Variants in PAPSS2 observed in about 807,000 individuals in gnomAD.
PAPSS2 encodes the protein bifunctional 3'-phosphoadenosine 5'-phosphosulfate synthase 2.
PAPSS2 carries 61 observed loss-of-function variants against 66.5 expected under a neutral mutation model. The ratio of observed to expected loss-of-function variants is 0.92; its 90% CI spans 0.75 to 1.14. PAPSS2 has a LOEUF of 1.14. Ranked by LOEUF, PAPSS2 falls within the 50% of genes most tolerant of loss-of-function variation. The pLI is 0.00. For missense variants in PAPSS2, 708 were observed against 789.6 expected, an observed-to-expected ratio of 0.90 and a Z score of 1.24; for synonymous variants, 289 against 287.5, an observed-to-expected ratio of 1.01 and a Z score of -0.05.
chr10:87,723,753 C>T (rs577577755), intron 8 of PAPSS2, among the ~76,000 whole-genome samples: 1 of 152,266 alleles, frequency 6.6e-6, no homozygotes, highest in South Asian at 2.1e-4. Flanking sequence ...AGTGATATGC[C>T]TGGAAAGTTT....
chr10:87,711,375 C>A (rs1853461197), intron 2 of PAPSS2, among the ~76,000 whole-genome samples: 1 of 152,210 alleles, frequency 6.6e-6, no homozygotes, highest in Non-Finnish European at 1.5e-5. Flanking sequence ...CGTGTGCCAA[C>A]AATCTGGTTA....
intron 8 of PAPSS2, among the ~76,000 whole-genome samples, chr10:87,723,629 T>G (rs982669560): frequency 6.6e-6 from 1 of 152,048 alleles, no homozygotes; most frequent in Non-Finnish European, 1.5e-5. Flanking sequence ...GGTCTCAAAG[T>G]ATATTGCAGG....
At chr10:87,667,603 G>A (rs904748915) in intron 1 of PAPSS2, among the ~76,000 whole-genome samples, 1 of 152,204 alleles carries the variant, frequency 6.6e-6, no homozygotes, top group East Asian at 1.9e-4. Context: ...GTTGACTGAT[G>A]TGACTTCCTT....
chr10:87,714,987 C>T lies in PAPSS2; in HGVS notation c.642C>T (p.Asn214=), dbSNP rs751430304. 16 of 1,594,746 alleles carry T rather than the reference C, an allele frequency of 1.0e-5. No individual in the cohort carries two copies. The South Asian group carries it at 1.4e-4, about 14-fold the overall frequency. ...HQVVELLQEQ[N]IVPYTIIKDI... is the part of the protein sequence containing the mutation. ...TTACCAATGCTGTTTCATTTCAGAA[C>T]ATTGTACCCTATACTATAATCAAAG... Residue 214 remains asparagine (N), a splice_region_variant and synonymous_variant, in exon 6 of 13, where the codon AAC becomes AAT. Transcript: ENST00000456849.
At chr10:87,664,177 C>A (rs1852788081) in intron 1 of PAPSS2, among the ~76,000 whole-genome samples, 1 of 152,198 alleles carries the variant, frequency 6.6e-6, no homozygotes, top group Non-Finnish European at 1.5e-5. Context: ...CTGCCTTGGC[C>A]TCCCGAAGTA....
In PAPSS2 at chr10:87,714,053, A is replaced by G. The variant is rs532274427; in HGVS notation, c.391A>G (p.Asn131Asp). 1.9e-6 allele frequency: 3 copies of G among 1,613,992 alleles called. No individual in the cohort carries two copies. The highest frequency in any genetic ancestry group is 2.2e-5 in the East Asian group (1 of 44,880). Residue 131 changes from asparagine to aspartate, a missense_variant, in exon 4 of 13, where the codon AAT (asparagine) becomes GAT (aspartate). Transcript: ENST00000456849. ...TCATATTGCTTTTCAGGATCGTGAG[A>G]ATGCCCGCAAAATACATGAATCAGC... ...FISPFAKDRE[N>D]ARKIHESAGL...
chr10:87,667,682 A>T (rs2131894448), intron 1 of PAPSS2, among the ~76,000 whole-genome samples: 1 of 152,344 alleles, frequency 6.6e-6, no homozygotes, highest in South Asian at 2.1e-4. Flanking sequence ...TGTAATTGAT[A>T]TTGTGCAAGC....
chr10:87,691,779 C>T (rs79865899), intron 1 of PAPSS2, among the ~76,000 whole-genome samples: 2,512 of 152,114 alleles, frequency 0.017, 85 homozygotes, highest in African/African-American at 0.057. Context: ...GGAGAAAGGA[C>T]TTTCCAAGCA....
chr10:87,690,756 A>G (rs1564713739), intron 1 of PAPSS2, among the ~76,000 whole-genome samples: 1 of 152,208 alleles, frequency 6.6e-6, no homozygotes, highest in South Asian at 2.1e-4. Flanking sequence ...GAGCTTAACT[A>G]AGAGCCAGAC....
intron 9 of PAPSS2, among the ~76,000 whole-genome samples, chr10:87,740,672 C>T (rs938495130): frequency 3.3e-5 from 5 of 152,134 alleles, no homozygotes; most frequent in South Asian, 2.1e-4. Context: ...CATAATTGTG[C>T]AAAAAGGCTA....
intron 1 of PAPSS2, among the ~76,000 whole-genome samples, chr10:87,688,443 T>TTTTATTTTA (rs541821509): frequency 7.2e-6 from 1 of 138,080 alleles, no homozygotes; most frequent in East Asian, 2.1e-4. Flanking sequence ...TTCTTTTTTA[T>TTTTATTTTA]TTTATTTATT....
chr10:87,666,230 C>T (rs1365636819), intron 1 of PAPSS2, among the ~76,000 whole-genome samples: 1 of 152,154 alleles, frequency 6.6e-6, no homozygotes, highest in Non-Finnish European at 1.5e-5. Context: ...TCCCAGAGTG[C>T]TGGGATTACA....
rs199804008 is a variant in PAPSS2 at position 87,688,963 on chromosome 10, TA to T, written c.28-20222del. Among the ~76,000 whole-genome samples, 977 of 135,998 alleles carry T rather than the reference TA, an allele frequency of 7.2e-3. 9 individuals are homozygous for T. The highest frequency in any genetic ancestry group is 0.018 in the African/African-American group (648 of 36,018). 89.2% of individuals were successfully genotyped at this position (135,998 alleles called of 152,430 possible). ...AAAAGATGGATAAATTTAACTACCTTAAAAAAAAAAACTGTATGGAAAGCAA... is the reference window on the plus strand; with the variant it reads ...AAAAGATGGATAAATTTAACTACCTTAAAAAAAAAACTGTATGGAAAGCAA... On this transcript the variant is annotated intron_variant, in intron 1 of 12. Coordinates refer to ENST00000456849, the MANE Select transcript of PAPSS2 (RefSeq NM_001015880.2).
In PAPSS2 at chr10:87,713,231, G is replaced by A. The variant is rs148462327; in HGVS notation, c.302G>A (p.Arg101His). Residue 101 changes from arginine (R) to histidine (H), a missense_variant, in exon 3 of 13, where the codon CGC becomes CAC. By Grantham distance (29) the Arg-to-His change is conservative. Coordinates refer to ENST00000456849, the MANE Select transcript of PAPSS2 (RefSeq NM_001015880.2). ...CCTGGGGACAGAGAGGAAAATATCCGCCGGATTGCTGAGGTGGCTAAGCTG... is the reference window on the plus strand; with the variant it reads ...CCTGGGGACAGAGAGGAAAATATCCACCGGATTGCTGAGGTGGCTAAGCTG... The part of the protein sequence containing the change: ...FSPGDREENI[R>H]RIAEVAKLFA... 10 of 1,604,092 alleles carry A rather than the reference G, an allele frequency of 6.2e-6. No homozygotes were observed. The highest frequency in any genetic ancestry group is 2.2e-5 in the South Asian group (2 of 90,730).
At chr10:87,701,474 T>A (rs1472965540) in intron 1 of PAPSS2, among the ~76,000 whole-genome samples, 2 of 149,140 alleles carry the variant, frequency 1.3e-5, no homozygotes, top group African/African-American at 2.5e-5. Flanking sequence ...AAGACTGGAG[T>A]TCAGTAGTAT....
chr10:87,713,157 G>C lies in PAPSS2; in HGVS notation c.228G>C (p.Leu76=). The change falls in exon 3 of 13, where the codon CTG becomes CTC. Residue 76 remains leucine, a synonymous_variant. Coordinates refer to ENST00000456849, the MANE Select transcript of PAPSS2 (RefSeq NM_001015880.2). ...CCCATGCCATCCCTTGTTACTCCCT[G>C]GATGGGGACAATGTCCGTCATGGCC... The part of the protein sequence containing the change: ...LVSHAIPCYS[L]DGDNVRHGLN... 6.2e-7 allele frequency: 1 copy of C among 1,613,230 alleles called. No individual in the cohort carries two copies.
chr10:87,660,561 T>G (rs1012157892), intron 1 of PAPSS2, among the ~76,000 whole-genome samples: 3 of 152,022 alleles, frequency 2.0e-5, no homozygotes, highest in African/African-American at 7.2e-5. Context: ...CGGCATTGGG[T>G]GGCATCTCGA....
intron 1 of PAPSS2, among the ~76,000 whole-genome samples, chr10:87,694,756 A>G (rs1371805613): frequency 6.6e-6 from 1 of 152,232 alleles, no homozygotes; most frequent in Non-Finnish European, 1.5e-5. Context: ...TAAAAGTAAC[A>G]TGATTTAAGG....
At chr10:87,722,365 A>G (rs1564723885) in intron 8 of PAPSS2, among the ~76,000 whole-genome samples, 2 of 152,206 alleles carry the variant, frequency 1.3e-5, no homozygotes, top group Non-Finnish European at 2.9e-5. Context: ...TGAATATGTC[A>G]TCTATCTTTG....
Sources: allele counts gnomAD v4.1 joint callset (sites outside exome capture counted in the v4.1 genomes callset), GRCh38; gene constraint gnomAD v4.1.1; transcripts MANE v1.5; gene names NCBI Gene and HGNC (gene_info 2026-07-23, HGNC 2026-07-21).